The following KIAA0232 variants were observed in gnomAD, a reference collection of about 807,000 sequenced individuals.
The protein encoded by KIAA0232 is KIAA0232.
Under a neutral mutation model 122.0 loss-of-function variants are expected in KIAA0232, and 27 were observed. That is an observed-to-expected ratio of 0.22 (90% CI 0.16 to 0.31). KIAA0232 has a LOEUF of 0.31. Among genes scored for constraint, KIAA0232 ranks in the 10% least tolerant of loss-of-function variants. The probability of loss-of-function intolerance (pLI) is 1.00; values close to 1 mark genes in which losing one functional copy is unlikely to be tolerated. For missense variants in KIAA0232, 1,551 were observed against 1,634.2 expected, an observed-to-expected ratio of 0.95 and a Z score of 0.88; for synonymous variants, 613 against 587.6, an observed-to-expected ratio of 1.04 and a Z score of -0.63.
At chr4:6,821,770 G>C (rs948110391) in intron 2 of KIAA0232, among the ~76,000 whole-genome samples, 1 of 151,798 alleles carries the variant, frequency 6.6e-6, no homozygotes, top group African/African-American at 2.4e-5. Context: ...ATGGGCATTT[G>C]GGCTGGTACC....
intron 1 of KIAA0232, among the ~76,000 whole-genome samples, chr4:6,802,496 A>T (rs1717426923): frequency 6.6e-6 from 1 of 152,140 alleles, no homozygotes; most frequent in Non-Finnish European, 1.5e-5. Flanking sequence ...TTCTGGAGAA[A>T]TATGGGGTAA....
At chr4:6,836,604 T>G (rs2109098821) in intron 3 of KIAA0232, among the ~76,000 whole-genome samples, 1 of 150,918 alleles carries the variant, frequency 6.6e-6, no homozygotes, top group Middle Eastern at 3.4e-3. Flanking sequence ...AGAGGGGGAT[T>G]TGGCAGGGTC....
intron 8 of KIAA0232, among the ~76,000 whole-genome samples, chr4:6,874,417 G>A (rs1187185869): frequency 1.3e-5 from 2 of 152,178 alleles, no homozygotes; most frequent in East Asian, 1.9e-4. Context: ...TGGCATGGGA[G>A]TGTGGTGGGG....
At chr4:6,867,695 G>A (rs1721257186) in intron 7 of KIAA0232, among the ~76,000 whole-genome samples, 1 of 152,168 alleles carries the variant, frequency 6.6e-6, no homozygotes, top group Non-Finnish European at 1.5e-5. Flanking sequence ...AAGGAGTGAG[G>A]GTCAGGGGTC....
intron 1 of KIAA0232, among the ~76,000 whole-genome samples, chr4:6,786,976 A>C (rs1716651516): frequency 1.3e-5 from 2 of 152,022 alleles, no homozygotes; most frequent in Admixed American, 1.3e-4. Context: ...AGGTCAAGAG[A>C]GTGAGACCAT....
rs1032838429 is a variant in KIAA0232 at position 6,871,823 on chromosome 4, G to A, written c.3910+141G>A. 6.6e-6 allele frequency: 4 copies of A among 609,004 alleles called. No homozygotes were observed. The African/African-American group carries it at 7.4e-5, about 11-fold the overall frequency. The allele number at this position is 609,004 out of a possible 1,614,324, so 37.7% of individuals were successfully genotyped here. A position where few individuals can be genotyped will look rare whatever the true frequency, so the allele number is the denominator to read the frequency against. On this transcript the variant is annotated intron_variant, in intron 8 of 9. Coordinates refer to ENST00000307659, the MANE Select transcript of KIAA0232 (RefSeq NM_014743.3). The stretch of plus-strand genomic sequence containing the variant: ...GGGTAGCACTTTGTCATGCACTGGG[G>A]ACACAGGGAGGAATGAGAACTGGGC...
At chr4:6,804,871 CT>C (rs1717543231) in intron 2 of KIAA0232, among the ~76,000 whole-genome samples, 1 of 152,100 alleles carries the variant, frequency 6.6e-6, no homozygotes, top group Non-Finnish European at 1.5e-5. Context: ...GGAGAAAATT[CT>C]TTCTGATTAG....
At chr4:6,802,221 GAGCT>G (rs1194480462) in intron 1 of KIAA0232, among the ~76,000 whole-genome samples, 1 of 152,210 alleles carries the variant, frequency 6.6e-6, no homozygotes, top group African/African-American at 2.4e-5. Context: ...TAGCCCGTGG[GAGCT>G]GTCCCGGCTT....
chr4:6,881,129 G>C lies in KIAA0232; in HGVS notation c.*163G>C. 1.9e-6 allele frequency: 1 copy of C among 528,350 alleles called. No homozygotes were observed. Among genetic ancestry groups the C allele is most frequent in the Non-Finnish European group, 3.1e-6 (1 of 325,350 alleles). The allele number at this position is 528,350 out of a possible 1,614,324, so 32.7% of individuals were successfully genotyped here. ...CTCTTCTTGCTTATTTTAGAGTTGA[G>C]GACAGCTATCCTGTTAAAGATTTTT... On this transcript the variant is annotated 3_prime_UTR_variant, in exon 10 of 10. Transcript: ENST00000307659.
At chr4:6,811,404 G>A (rs75500386) in intron 2 of KIAA0232, among the ~76,000 whole-genome samples, 1,539 of 152,290 alleles carry the variant, frequency 0.01, 22 homozygotes, top group African/African-American at 0.034. Flanking sequence ...TTAATATGCA[G>A]TCTATGCATG....
At chr4:6,840,305 G>A (rs1384110372) in intron 3 of KIAA0232, among the ~76,000 whole-genome samples, 2 of 152,180 alleles carry the variant, frequency 1.3e-5, no homozygotes, top group East Asian at 1.9e-4. Flanking sequence ...GTGCATTTCT[G>A]ATTGGCCACG....
At position 6,787,753 on chromosome 4, in the gene KIAA0232, G is replaced by A. The variant is rs949839944; in HGVS notation, c.-354+4912G>A. Among the ~76,000 whole-genome samples, 9 of 152,154 alleles carry A rather than the reference G, an allele frequency of 5.9e-5. No homozygotes were observed. The East Asian group carries it at 1.7e-3, about 29-fold the overall frequency. ...TTTCTGGTCTCTCCTCCTCTGTTCTGTTGCCAGAATTATTTAATAGGCAAA... is the reference window on the plus strand; with the variant it reads ...TTTCTGGTCTCTCCTCCTCTGTTCTATTGCCAGAATTATTTAATAGGCAAA... On this transcript the variant is annotated intron_variant, in intron 1 of 9. Transcript: ENST00000307659.
chr4:6,837,976 A>G (rs1346153781), intron 3 of KIAA0232, among the ~76,000 whole-genome samples: 1 of 151,948 alleles, frequency 6.6e-6, no homozygotes, highest in African/African-American at 2.4e-5. Context: ...TTTTCTTGTA[A>G]ATTTGTTTAA....
At chr4:6,789,080 C>T (rs1025766147) in intron 1 of KIAA0232, among the ~76,000 whole-genome samples, 7 of 152,086 alleles carry the variant, frequency 4.6e-5, no homozygotes, top group African/African-American at 9.7e-5. Flanking sequence ...ACGCCATTCT[C>T]CTGCCTCAGC....
chr4:6,817,017 G>GT (rs1718163403), intron 2 of KIAA0232, among the ~76,000 whole-genome samples: 1 of 152,014 alleles, frequency 6.6e-6, no homozygotes, highest in Non-Finnish European at 1.5e-5. Context: ...TAAAGAACCT[G>GT]TTTTTGGTTT....
intron 1 of KIAA0232, among the ~76,000 whole-genome samples, chr4:6,783,569 C>T (rs1034089328): frequency 6.6e-6 from 1 of 152,102 alleles, no homozygotes; most frequent in African/African-American, 2.4e-5. Flanking sequence ...CCCCTCCCCT[C>T]CAGCATTGTC....
intron 1 of KIAA0232, among the ~76,000 whole-genome samples, chr4:6,799,153 A>G (rs548496287): frequency 6.6e-6 from 1 of 151,762 alleles, no homozygotes; most frequent in Admixed American, 6.6e-5. Context: ...CTTGGCTTGC[A>G]TTGGTACATT....
intron 1 of KIAA0232, among the ~76,000 whole-genome samples, chr4:6,792,336 C>T (rs1716932595): frequency 1.3e-5 from 2 of 152,000 alleles, no homozygotes; most frequent in African/African-American, 2.4e-5. Flanking sequence ...CATTTTTGTA[C>T]ATATGTCTTA....
chr4:6,861,025 G>A lies in KIAA0232; in HGVS notation c.643G>A (p.Ala215Thr), dbSNP rs1246912574. The A allele has an allele frequency of 5.0e-6, 8 of 1,613,980 alleles. No homozygotes were observed. Among genetic ancestry groups the A allele is most frequent in the Admixed American group, 1.7e-5 (1 of 59,982 alleles). The change falls in exon 7 of 10, where the codon GCT becomes ACT. Residue 215 changes from alanine (A) to threonine (T), a missense_variant. By Grantham distance (58) the Ala-to-Thr change is moderately conservative. This residue lies in a region of KIAA0232 where 377 missense variants were observed against 381.7 expected (regional missense o/e 0.99). Transcript: ENST00000307659. ...SSSSSSTAPP[A>T]STDTSSPKDC... ...TTCTTCATCATCCACAGCCCCACCA[G>A]CTAGCACAGATACTTCCTCTCCTAA... is the stretch of plus-strand genomic sequence containing the variant.
Sources: gnomAD v4.1 joint callset for allele counts (sites outside exome capture counted in the v4.1 genomes callset) on GRCh38, gnomAD v4.1.1 for gene constraint, gnomAD v4.1.1 regional missense constraint, MANE v1.5 for transcripts, NCBI Gene and HGNC (gene_info 2026-07-23, HGNC 2026-07-21) for gene names.